Variants in ARHGEF11 observed in about 807,000 individuals in gnomAD.
ARHGEF11 encodes Rho guanine nucleotide exchange factor 11, also known as Rho guanine exchange factor (GEF) 11.
ARHGEF11 carries 55 observed loss-of-function variants against 193.7 expected under a neutral mutation model. That is an observed-to-expected ratio of 0.28 (90% CI 0.23 to 0.36). The LOEUF is 0.36. Ranked by LOEUF, ARHGEF11 falls within the 10% of genes least tolerant of loss-of-function variation. The pLI, the probability that ARHGEF11 is intolerant of heterozygous loss-of-function variation, is 1.00. For missense variants in ARHGEF11, 1,723 were observed against 2,005.6 expected (o/e 0.86, Z 2.69); for synonymous variants, 693 against 768.0 (o/e 0.90, Z 1.62).
intron 1 of ARHGEF11, among the ~76,000 whole-genome samples, chr1:157,008,406 GCA>G (rs60934928): frequency 0.21 from 30,587 of 149,028 alleles, 3,306 homozygotes; most frequent in East Asian, 0.46. Context: ...TTGCACGCAC[GCA>G]CACACACACA....
At chr1:156,936,721 G>A in intron 40 of ARHGEF11, 95 bp downstream of exon 40, 1 of 1,394,658 alleles carries the variant, frequency 7.2e-7, no homozygotes, top group East Asian at 2.3e-5. Flanking sequence ...ACCACTCTCA[G>A]AACCACCATC....
At chr1:157,000,215 G>A (rs1359440145) in intron 1 of ARHGEF11, among the ~76,000 whole-genome samples, 1 of 152,168 alleles carries the variant, frequency 6.6e-6, no homozygotes, top group Non-Finnish European at 1.5e-5. Context: ...CACCTGCCTC[G>A]GCCTCCCAAA....
intron 21 of ARHGEF11, among the ~76,000 whole-genome samples, chr1:156,952,843 T>C (rs1274807157): frequency 6.6e-6 from 1 of 152,250 alleles, no homozygotes; most frequent in African/African-American, 2.4e-5. Flanking sequence ...GATCTGCCTG[T>C]CCCAGCCTGA....
intron 3 of ARHGEF11, among the ~76,000 whole-genome samples, chr1:156,983,089 T>G (rs1404384553): frequency 2.0e-5 from 3 of 152,226 alleles, no homozygotes; most frequent in Non-Finnish European, 4.4e-5. Context: ...CTTGTGCTCT[T>G]GTTTAAGCCA....
At chr1:157,038,880 G>A (rs1672394468) in intron 1 of ARHGEF11, among the ~76,000 whole-genome samples, 1 of 152,102 alleles carries the variant, frequency 6.6e-6, no homozygotes, top group Non-Finnish European at 1.5e-5. Flanking sequence ...TTAGCCAGGT[G>A]TGGTGGCACA....
At chr1:157,031,080 T>A (rs1671248373) in intron 1 of ARHGEF11, among the ~76,000 whole-genome samples, 1 of 152,128 alleles carries the variant, frequency 6.6e-6, no homozygotes, top group South Asian at 2.1e-4. Flanking sequence ...ATATGATGGA[T>A]CACAATAATA....
Position 157,024,793 on chromosome 1 carries a change from T to C in ARHGEF11, c.32+19506A>G, listed in dbSNP as rs1357036654. On this transcript the variant is annotated intron_variant, in intron 1 of 40. Coordinates refer to ENST00000368194, the MANE Select transcript of ARHGEF11 (RefSeq NM_198236.3). ...GTTAAAGAAGTTTGTATCTATGCCATAGTCAAAACAACAGATTTTTAACTC... is the reference window on the plus strand; with the variant it reads ...GTTAAAGAAGTTTGTATCTATGCCACAGTCAAAACAACAGATTTTTAACTC... Among the ~76,000 whole-genome samples, 5 of 151,998 alleles carry C rather than the reference T, an allele frequency of 3.3e-5. No homozygotes were observed. In the East Asian group the frequency reaches 9.6e-4, roughly 29 times the overall value.
At position 156,992,148 on chromosome 1, in the gene ARHGEF11, G is replaced by T. The variant is rs139850038; in HGVS notation, c.33-5975C>A. The stretch of plus-strand genomic sequence containing the variant: ...CAAGTAATCATTTTCATTTGTTTTT[G>T]GTTTCCTTGCTGTGTTTCTTCTTGT... On this transcript the variant is annotated intron_variant, in intron 1 of 40. Transcript: ENST00000368194. Among the ~76,000 whole-genome samples the T allele has an allele frequency of 4.6e-5, 7 of 152,140 alleles. No individual in the cohort carries two copies. In the East Asian group the frequency reaches 1.4e-3, roughly 29 times the overall value.
chr1:157,043,118 A>G (rs1291725952), intron 1 of ARHGEF11, among the ~76,000 whole-genome samples: 1 of 152,230 alleles, frequency 6.6e-6, no homozygotes, highest in Non-Finnish European at 1.5e-5. Context: ...GAGAGATTAT[A>G]TGCATTTTAG....
At chr1:157,028,938 G>A (rs1158608291) in intron 1 of ARHGEF11, among the ~76,000 whole-genome samples, 2 of 152,046 alleles carry the variant, frequency 1.3e-5, no homozygotes, top group Non-Finnish European at 2.9e-5. Flanking sequence ...AGGCTGCAGT[G>A]GGTGGAGTGC....
rs563724702 is a variant in ARHGEF11, at chr1:156,959,169, A to G, written c.1283-27T>C. The G allele has an allele frequency of 5.2e-5, 83 of 1,602,750 alleles. No homozygotes were observed. The South Asian group carries it at 8.5e-4, about 16-fold the overall frequency. On this transcript the variant is annotated intron_variant, in intron 15 of 40. Coordinates refer to ENST00000368194, the MANE Select transcript of ARHGEF11 (RefSeq NM_198236.3). Reference sequence around the variant, plus strand: ...TGTAGTGGGAGATCAGAGAAAGCAGAGTGGATGGGGTACTGGGGGTGGAGG... The same window carrying G: ...TGTAGTGGGAGATCAGAGAAAGCAGGGTGGATGGGGTACTGGGGGTGGAGG...
At chr1:157,037,160 C>T (rs1201448346) in intron 1 of ARHGEF11, among the ~76,000 whole-genome samples, 1 of 151,942 alleles carries the variant, frequency 6.6e-6, no homozygotes, top group Non-Finnish European at 1.5e-5. Context: ...AAATTTGATT[C>T]AGTCTTAAAA....
At chr1:157,029,294 G>C (rs1053101526) in intron 1 of ARHGEF11, among the ~76,000 whole-genome samples, 1 of 143,238 alleles carries the variant, frequency 7.0e-6, no homozygotes, top group Non-Finnish European at 1.5e-5. Flanking sequence ...TTTTGAGACA[G>C]AGTCTTGCTC....
chr1:156,956,712 C>G, intron 18 of ARHGEF11, 148 bp from the exon 19 acceptor site: 1 of 1,257,992 alleles, frequency 7.9e-7, no homozygotes, highest in Non-Finnish European at 1.1e-6. Flanking sequence ...TTAAATGGGA[C>G]AGCAGGCAGA....
At chr1:157,017,656 A>C (rs1270892243) in intron 1 of ARHGEF11, among the ~76,000 whole-genome samples, 3 of 150,350 alleles carry the variant, frequency 2.0e-5, no homozygotes, top group Non-Finnish European at 3.0e-5. Flanking sequence ...GCAGTGAGCC[A>C]AGACCGCGCC....
At chr1:156,954,772 G>C in intron 21 of ARHGEF11, 120 bp downstream of exon 21, 3 of 872,686 alleles carry the variant, frequency 3.4e-6, no homozygotes, top group South Asian at 2.9e-5. Flanking sequence ...AGAGAAGAAA[G>C]AAAGGGAGGG....
intron 40 of ARHGEF11, among the ~76,000 whole-genome samples, chr1:156,936,493 A>ATATATATATATATAT (rs1481502478): frequency 1.6e-5 from 1 of 62,402 alleles, no homozygotes; most frequent in East Asian, 1.1e-3. Flanking sequence ...AAAAAAAAAA[A>ATATATATATATATAT]AAAAATATAT....
rs1655709236 is a variant in ARHGEF11 at position 156,937,478 on chromosome 1, C to G, written c.4211G>C (p.Ser1404Thr). The G allele has an allele frequency of 6.5e-7, 1 of 1,529,864 alleles. No homozygotes were observed. The highest frequency in any genetic ancestry group is 2.3e-5 in the East Asian group (1 of 43,926). The allele number at this position is 1,529,864 out of a possible 1,614,324, so 94.8% of individuals were successfully genotyped here. A position where few individuals can be genotyped will look rare whatever the true frequency, so the allele number is the denominator to read the frequency against. Reference sequence around the variant, plus strand: ...TGAGTCCGGGGGTCCTGATGGCATGCTGACATAAAAGCAGTTCCCTGTCCC... The same window carrying G: ...TGAGTCCGGGGGTCCTGATGGCATGGTGACATAAAAGCAGTTCCCTGTCCC... ...TKATGNCFYV[S>T]MPSGPPDSST... The change falls in exon 39 of 41, where the codon AGC (serine) becomes ACC (threonine). Residue 1404 changes from serine (S) to threonine (T), a missense_variant. Physicochemically the swap from Ser to Thr is moderately conservative, Grantham distance 58. Coordinates refer to ENST00000368194, the MANE Select transcript of ARHGEF11 (RefSeq NM_198236.3).
intron 11 of ARHGEF11, among the ~76,000 whole-genome samples, chr1:156,965,112 TAAGA>T (rs933762894): frequency 9.8e-5 from 15 of 152,316 alleles, no homozygotes; most frequent in African/African-American, 3.6e-4. Context: ...TTATTACTAC[TAAGA>T]AACTGGAAAT....
Sources: allele counts gnomAD v4.1 joint callset (sites outside exome capture counted in the v4.1 genomes callset), GRCh38; gene constraint gnomAD v4.1.1; transcripts MANE v1.5; gene names NCBI Gene and HGNC (gene_info 2026-07-23, HGNC 2026-07-21).